Variants in PIK3C3 observed in about 807,000 individuals in gnomAD.
PIK3C3 encodes the protein phosphatidylinositol 3-kinase catalytic subunit type 3.
PIK3C3 carries 95 observed loss-of-function variants against 126.1 expected under a neutral mutation model. The ratio of observed to expected loss-of-function variants is 0.75; its 90% CI spans 0.64 to 0.89. The LOEUF is 0.89. Among genes scored for constraint, PIK3C3 ranks in the 40% least tolerant of loss-of-function variants. The probability of loss-of-function intolerance (pLI) is 0.00; values close to 1 mark genes in which losing one functional copy is unlikely to be tolerated. For synonymous variants in PIK3C3, 374 were observed against 360.0 expected, an observed-to-expected ratio of 1.04 and a Z score of -0.44; for missense variants, 829 against 1,063.2, an observed-to-expected ratio of 0.78 and a Z score of 3.06.
intron 4 of PIK3C3, chr18:41,971,006 A>AC (rs1202582418): frequency 6.5e-6 from 1 of 154,272 alleles, no homozygotes; most frequent in Non-Finnish European, 1.4e-5. Flanking sequence ...CAGACAATTA[A>AC]CTAGTATAAA....
At chr18:42,079,887 A>G (rs1028180595) in intron 24 of PIK3C3, among the ~76,000 whole-genome samples, 45 of 151,944 alleles carry the variant, frequency 3.0e-4, no homozygotes, top group African/African-American at 1.1e-3. Context: ...CGCTACCTCC[A>G]GGCAACACAC....
intron 13 of PIK3C3, chr18:42,027,222 A>G (rs1241873445): frequency 7.9e-6 from 2 of 251,648 alleles, no homozygotes; most frequent in Non-Finnish European, 1.5e-5. Flanking sequence ...ATATTACACA[A>G]ATTAAGGCAT....
intron 19 of PIK3C3, among the ~76,000 whole-genome samples, chr18:42,042,860 C>T (rs1044657964): frequency 2.6e-5 from 4 of 152,166 alleles, no homozygotes; most frequent in Non-Finnish European, 2.9e-5. Context: ...TCAAACTCTT[C>T]GTACCTCTTT....
chr18:42,017,346 A>G (rs899281738), intron 12 of PIK3C3, among the ~76,000 whole-genome samples: 3 of 152,128 alleles, frequency 2.0e-5, no homozygotes, highest in African/African-American at 7.2e-5. Flanking sequence ...AAATGTTTGA[A>G]AGGAGACAGA....
chr18:42,007,820 GTAA>G (rs972388352), intron 10 of PIK3C3, among the ~76,000 whole-genome samples: 3 of 152,168 alleles, frequency 2.0e-5, no homozygotes, highest in African/African-American at 4.8e-5. Context: ...AAAGCTGCAA[GTAA>G]TAATGGTGAA....
chr18:42,080,045 T>A (rs918127976), intron 24 of PIK3C3, among the ~76,000 whole-genome samples: 5 of 150,212 alleles, frequency 3.3e-5, no homozygotes, highest in Admixed American at 2.7e-4. Context: ...CTGTCTATAT[T>A]AATTTGGTCC....
chr18:41,958,898 C>T (rs1979934425), intron 2 of PIK3C3, among the ~76,000 whole-genome samples: 1 of 152,088 alleles, frequency 6.6e-6, no homozygotes, highest in African/African-American at 2.4e-5. Flanking sequence ...GTATTCTCAC[C>T]ATTTTGTAAC....
chr18:42,032,730 A>G (rs1983886891), intron 15 of PIK3C3, among the ~76,000 whole-genome samples: 1 of 151,876 alleles, frequency 6.6e-6, no homozygotes, highest in Non-Finnish European at 1.5e-5. Flanking sequence ...ATTAGTTGAC[A>G]TTACTTCACA....
rs944462117 is a variant in PIK3C3 at position 42,049,744 on chromosome 18, C to T, written c.2263+139C>T. The T allele has an allele frequency of 2.3e-5, 14 of 597,040 alleles. No individual in the cohort carries two copies. Among genetic ancestry groups the T allele is most frequent in the African/African-American group, 7.4e-5 (4 of 53,822 alleles). The allele number at this position is 597,040 out of a possible 1,614,324, so 37.0% of individuals were successfully genotyped here. ...ATCCCAGCACTTTGGGAGGCCAAGG[C>T]GGGTGGATCACCTGAGGTTGGGAGT... On this transcript the variant is annotated intron_variant, in intron 21 of 24. Transcript: ENST00000262039.
chr18:41,981,101 G>C (rs924597430), intron 4 of PIK3C3, among the ~76,000 whole-genome samples: 1 of 151,914 alleles, frequency 6.6e-6, no homozygotes, highest in South Asian at 2.1e-4. Flanking sequence ...ATATCTTATT[G>C]CTTTGATTCT....
At chr18:42,072,085 G>A (rs1183446282) in intron 24 of PIK3C3, among the ~76,000 whole-genome samples, 1 of 152,074 alleles carries the variant, frequency 6.6e-6, no homozygotes, top group African/African-American at 2.4e-5. Context: ...TATTGTCTAA[G>A]TATTGATACT....
chr18:42,081,166 G>T lies in PIK3C3; in HGVS notation c.*29G>T, dbSNP rs1412864306. On this transcript the variant is annotated 3_prime_UTR_variant, in exon 25 of 25. Coordinates refer to ENST00000262039, the MANE Select transcript of PIK3C3 (RefSeq NM_002647.4). ...TGGGATTGACCCATCAAGATGCTTG[G>T]CTCAATAAGAAAACCACGTTAGGAG... 6.4e-7 allele frequency: 1 copy of T among 1,555,342 alleles called. No individual in the cohort carries two copies. Among genetic ancestry groups the T allele is most frequent in the Non-Finnish European group, 8.8e-7 (1 of 1,135,108 alleles).
chr18:41,972,373 G>C (rs1980711651), intron 4 of PIK3C3, among the ~76,000 whole-genome samples: 1 of 152,064 alleles, frequency 6.6e-6, no homozygotes, highest in Non-Finnish European at 1.5e-5. Context: ...GAGTAGCCAA[G>C]TGGATCCTAC....
chr18:41,987,738 G>T, intron 4 of PIK3C3, 74 bp from the exon 5 acceptor site: 1 of 889,168 alleles, frequency 1.1e-6, no homozygotes, highest in Non-Finnish European at 1.9e-6. Flanking sequence ...AGTGTACATT[G>T]CCATTCTGAC....
chr18:41,982,025 C>A (rs1027769867), intron 4 of PIK3C3, among the ~76,000 whole-genome samples: 2 of 151,530 alleles, frequency 1.3e-5, no homozygotes, highest in Non-Finnish European at 2.9e-5. Flanking sequence ...TGATTTGAGA[C>A]GCTTATTGTC....
At chr18:42,061,046 C>T (rs891095763) in intron 22 of PIK3C3, among the ~76,000 whole-genome samples, 1 of 152,138 alleles carries the variant, frequency 6.6e-6, no homozygotes, top group Admixed American at 6.5e-5. Context: ...TTTCTATTTT[C>T]AGTAATAAAG....
intron 21 of PIK3C3, chr18:42,052,897 C>G (rs994912364): frequency 2.0e-5 from 3 of 152,240 alleles, no homozygotes; most frequent in African/African-American, 7.2e-5. Flanking sequence ...GCTGATGGAG[C>G]ATTTTTTAAT....
At chr18:42,026,257 A>T (rs1451474236) in intron 13 of PIK3C3, 4 of 152,222 alleles carry the variant, frequency 2.6e-5, no homozygotes. Flanking sequence ...AAGTTGATTG[A>T]GATTGATGGT....
In PIK3C3 at chr18:42,036,498, C is replaced by T. The variant is rs636981; in HGVS notation, c.1840-1194C>T. Among the ~76,000 whole-genome samples, 528 of 150,708 alleles carry T rather than the reference C, an allele frequency of 3.5e-3. 3 individuals carry two copies. Among genetic ancestry groups the T allele is most frequent in the African/African-American group, 0.012 (479 of 41,050 alleles). On this transcript the variant is annotated intron_variant, in intron 16 of 24. Coordinates refer to ENST00000262039, the MANE Select transcript of PIK3C3 (RefSeq NM_002647.4). The stretch of plus-strand genomic sequence containing the variant: ...AAATTTTTGTCTTATATAATTTCTT[C>T]TCAATGACCAAACTCAATAGGGTCT...
Sources: gnomAD v4.1 joint callset for allele counts (sites outside exome capture counted in the v4.1 genomes callset) on GRCh38, gnomAD v4.1.1 for gene constraint, MANE v1.5 for transcripts, NCBI Gene and HGNC (gene_info 2026-07-23, HGNC 2026-07-21) for gene names.